SPTLC2: variants seen among roughly 807,000 people sequenced by gnomAD.
The protein encoded by SPTLC2 is serine palmitoyltransferase long chain base subunit 2, also known as serine palmitoyltransferase 2.
In SPTLC2, 21 loss-of-function variants were observed where a neutral mutation model predicts 62.0. The observed-to-expected ratio is 0.34, with a 90% CI of 0.24 to 0.49. SPTLC2 has a LOEUF of 0.49. Among genes scored for constraint, SPTLC2 ranks in the 20% least tolerant of loss-of-function variants. The probability of loss-of-function intolerance (pLI) is 0.99; values close to 1 mark genes in which losing one functional copy is unlikely to be tolerated. For synonymous variants in SPTLC2, 261 were observed against 261.8 expected (o/e 1.00, Z 0.03); for missense variants, 511 against 713.0 (o/e 0.72, Z 3.23).
chr14:77,569,244 T>C (rs1041031052), intron 5 of SPTLC2, among the ~76,000 whole-genome samples: 1 of 152,244 alleles, frequency 6.6e-6, no homozygotes, highest in African/African-American at 2.4e-5. Context: ...TTAACCTCTG[T>C]GTCTTCATAT....
chr14:77,579,677 T>C (rs928720941), intron 2 of SPTLC2, among the ~76,000 whole-genome samples: 2 of 151,958 alleles, frequency 1.3e-5, no homozygotes, highest in South Asian at 2.1e-4. Context: ...GCCCAGTAGA[T>C]TGGGGCTGCA....
intron 2 of SPTLC2, among the ~76,000 whole-genome samples, chr14:77,593,344 T>G (rs555073925): frequency 6.6e-6 from 1 of 152,324 alleles, no homozygotes; most frequent in Non-Finnish European, 1.5e-5. Context: ...GGTTTCATTA[T>G]GTTGTGTCAG....
At chr14:77,585,096 G>A (rs1282980785) in intron 2 of SPTLC2, among the ~76,000 whole-genome samples, 1 of 152,162 alleles carries the variant, frequency 6.6e-6, no homozygotes, top group East Asian at 1.9e-4. Context: ...TGGGGTAGCT[G>A]CCCAGTTAGG....
At chr14:77,531,237 CT>C (rs1159542663) in intron 9 of SPTLC2, among the ~76,000 whole-genome samples, 1 of 152,154 alleles carries the variant, frequency 6.6e-6, no homozygotes, top group Non-Finnish European at 1.5e-5. Flanking sequence ...TGTTTAGTGC[CT>C]TGCACAACAT....
intron 9 of SPTLC2, among the ~76,000 whole-genome samples, chr14:77,532,430 C>A (rs762711887): frequency 6.6e-6 from 1 of 152,114 alleles, no homozygotes; most frequent in Non-Finnish European, 1.5e-5. Flanking sequence ...CTTCTGCATA[C>A]CCTGCCAAGA....
Position 77,509,075 on chromosome 14 carries a change from C to T in SPTLC2, c.*3209G>A, listed in dbSNP as rs1381782636. Reference sequence around the variant, plus strand: ...GGTTGTGTAGGATGCTTCTGTTCACCTTGATGACTACAGAAGCAAGAATCC... The same window carrying T: ...GGTTGTGTAGGATGCTTCTGTTCACTTTGATGACTACAGAAGCAAGAATCC... On this transcript the variant is annotated 3_prime_UTR_variant, in exon 12 of 12. Coordinates refer to ENST00000216484, the MANE Select transcript of SPTLC2 (RefSeq NM_004863.4). 6.6e-6 allele frequency: 1 copy of T among 152,130 alleles called. No homozygotes were observed. The highest frequency in any genetic ancestry group is 1.5e-5 in the Non-Finnish European group (1 of 68,016). The allele number at this position is 152,130 out of a possible 1,614,324, so 9.4% of individuals were successfully genotyped here. A position where few individuals can be genotyped will look rare whatever the true frequency, so the allele number is the denominator to read the frequency against.
chr14:77,578,342 T>A (rs1030821872), intron 3 of SPTLC2, among the ~76,000 whole-genome samples: 1 of 151,366 alleles, frequency 6.6e-6, no homozygotes, highest in African/African-American at 2.5e-5. Context: ...TTCTTTTTTT[T>A]TTTTTTTAAA....
intron 1 of SPTLC2, among the ~76,000 whole-genome samples, chr14:77,614,063 G>A (rs556983726): frequency 1.2e-4 from 19 of 152,292 alleles, no homozygotes; most frequent in South Asian, 6.2e-4. Context: ...CCAACAGACC[G>A]TTCTTCCAAA....
chr14:77,525,641 T>C (rs1454825841), intron 9 of SPTLC2, among the ~76,000 whole-genome samples: 2 of 151,130 alleles, frequency 1.3e-5, no homozygotes, highest in African/African-American at 4.9e-5. Context: ...CTGGGCATGG[T>C]GGCTCACGCC....
chr14:77,610,124 G>A (rs979106965), intron 1 of SPTLC2, among the ~76,000 whole-genome samples: 1 of 132,512 alleles, frequency 7.5e-6, no homozygotes, highest in African/African-American at 2.8e-5. Context: ...GGTGTGAAAT[G>A]GTATCTAACT....
At chr14:77,575,367 G>A (rs1157517033) in intron 4 of SPTLC2, among the ~76,000 whole-genome samples, 1 of 152,160 alleles carries the variant, frequency 6.6e-6, no homozygotes, top group Non-Finnish European at 1.5e-5. Context: ...AAATATGGAT[G>A]CAAATTCTTT....
chr14:77,524,221 T>G (rs939441336), intron 9 of SPTLC2, among the ~76,000 whole-genome samples: 1 of 152,108 alleles, frequency 6.6e-6, no homozygotes, highest in African/African-American at 2.4e-5. Context: ...AAAGACATAC[T>G]GTAATGACAG....
chr14:77,600,434 G>A (rs1399901244), intron 1 of SPTLC2, among the ~76,000 whole-genome samples: 1 of 152,126 alleles, frequency 6.6e-6, no homozygotes, highest in East Asian at 1.9e-4. Context: ...AACTCTGAGA[G>A]AACAAAATCA....
Position 77,597,351 on chromosome 14 carries a change from T to G in SPTLC2, c.162A>C (p.Leu54=), listed in dbSNP as rs115191009. ...QIHHVTQNGG[L]YKRPFNEAFE... is the part of the protein sequence containing the mutation. The stretch of plus-strand genomic sequence containing the variant: ...AAGCTTCATTAAACGGTCTTTTATA[T>G]AGTCCTCCATTTTGTGTAACATGAT... Residue 54 remains leucine, a synonymous_variant, in exon 2 of 12, where the codon CTA becomes CTC. Coordinates refer to ENST00000216484, the MANE Select transcript of SPTLC2 (RefSeq NM_004863.4). 2,985 of 1,614,158 alleles carry G rather than the reference T, an allele frequency of 1.8e-3. 48 individuals are homozygous for G. The African/African-American group carries it at 0.034, about 18-fold the overall frequency.
At chr14:77,550,891 AAG>A (rs1156520642) in intron 9 of SPTLC2, among the ~76,000 whole-genome samples, 1 of 147,516 alleles carries the variant, frequency 6.8e-6, no homozygotes, top group Non-Finnish European at 1.5e-5. Flanking sequence ...GAGACAGAGC[AAG>A]ACTCTGTCTC....
At chr14:77,603,631 T>G (rs1566793131) in intron 1 of SPTLC2, among the ~76,000 whole-genome samples, 1 of 152,296 alleles carries the variant, frequency 6.6e-6, no homozygotes, top group Admixed American at 6.5e-5. Flanking sequence ...TCAGTAAGTA[T>G]CTCATGTGGA....
chr14:77,538,616 G>A (rs1465881123), intron 9 of SPTLC2, among the ~76,000 whole-genome samples: 2 of 152,116 alleles, frequency 1.3e-5, no homozygotes, highest in Non-Finnish European at 2.9e-5. Context: ...TGTTGCCCAG[G>A]CTGGAGTGCA....
In SPTLC2 at chr14:77,616,507, C is replaced by G. The variant is rs1017782894; in HGVS notation, c.73G>C (p.Val25Leu). Residue 25 changes from valine (V) to leucine (L), a missense_variant, in exon 1 of 12, where the codon GTA becomes CTA. Physicochemically the swap from Val to Leu is conservative, Grantham distance 32. Coordinates refer to ENST00000216484, the MANE Select transcript of SPTLC2 (RefSeq NM_004863.4). Reference protein sequence around the residue: ...RANGCVANGEVRNGYVRSSAA... With the variant: ...RANGCVANGELRNGYVRSSAA... ...CTGCTCCTCACGTACCCGTTCCGTACTTCCCCGTTCGCCACGCAGCCATTC... is the reference window on the plus strand; with the variant it reads ...CTGCTCCTCACGTACCCGTTCCGTAGTTCCCCGTTCGCCACGCAGCCATTC... The G allele has an allele frequency of 2.1e-5, 32 of 1,534,334 alleles. No individual in the cohort carries two copies. The East Asian group carries it at 6.4e-4, about 31-fold the overall frequency.
In SPTLC2 at chr14:77,508,475, A is replaced by G. The variant is rs1021970499; in HGVS notation, c.*3809T>C. 5 of 152,260 alleles carry G rather than the reference A, an allele frequency of 3.3e-5. No individual in the cohort carries two copies. The highest frequency in any genetic ancestry group is 6.5e-5 in the Admixed American group (1 of 15,284). The allele number at this position is 152,260 out of a possible 1,614,324, so 9.4% of individuals were successfully genotyped here. ...ACATTCTTTCTTCACGGCCTACGGC[A>G]TGACTGGCAGTTCTGCACTGTTGCC... On this transcript the variant is annotated 3_prime_UTR_variant, in exon 12 of 12. Transcript: ENST00000216484.
Sources: allele counts gnomAD v4.1 joint callset (sites outside exome capture counted in the v4.1 genomes callset), GRCh38; gene constraint gnomAD v4.1.1; transcripts MANE v1.5; gene names NCBI Gene and HGNC (gene_info 2026-07-23, HGNC 2026-07-21).